The following SORCS2 variants were observed in gnomAD, a reference collection of about 807,000 sequenced individuals.
SORCS2 encodes sortilin related VPS10 domain containing receptor 2.
Under a neutral mutation model 141.6 loss-of-function variants are expected in SORCS2, and 100 were observed. The observed-to-expected ratio is 0.71, with a 90% CI of 0.60 to 0.83. The LOEUF is 0.83. Ranked by LOEUF, SORCS2 falls within the 40% of genes least tolerant of loss-of-function variation. SORCS2 has a pLI of 0.00. For synonymous variants in SORCS2, 789 were observed against 676.9 expected (o/e 1.17, Z -2.57); for missense variants, 1,646 against 1,560.2 (o/e 1.05, Z -0.93).
chr4:7,647,445 T>C (rs1185038952), intron 4 of SORCS2, among the ~76,000 whole-genome samples: 1 of 152,124 alleles, frequency 6.6e-6, no homozygotes, highest in Non-Finnish European at 1.5e-5. Context: ...ACTGTCAGCG[T>C]CACGGGTGGA....
chr4:7,466,961 G>T (rs1478507921), intron 2 of SORCS2, among the ~76,000 whole-genome samples: 1 of 152,120 alleles, frequency 6.6e-6, no homozygotes, highest in Non-Finnish European at 1.5e-5. Flanking sequence ...GATGGGTGGG[G>T]CTTGTATGTA....
chr4:7,655,511 C>T (rs553709788), intron 5 of SORCS2, among the ~76,000 whole-genome samples: 31 of 152,344 alleles, frequency 2.0e-4, no homozygotes, highest in African/African-American at 6.5e-4. Flanking sequence ...TCACGCTGAC[C>T]GTGGCAGGAG....
chr4:7,642,703 A>T (rs1208804559), intron 4 of SORCS2, among the ~76,000 whole-genome samples: 3 of 152,140 alleles, frequency 2.0e-5, no homozygotes, highest in African/African-American at 7.2e-5. Flanking sequence ...AGAAACAAGC[A>T]TTATTTCTTC....
rs536331207 is a variant in SORCS2, at chr4:7,229,163, C to T, written c.480+36037C>T. 1.1e-4 allele frequency among the ~76,000 whole-genome samples: 17 copies of T among 152,300 alleles called. No homozygotes were observed. In the South Asian group the frequency reaches 1.2e-3, roughly 11 times the overall value. Reference sequence around the variant, plus strand: ...TTGGGTATAGGGGTAGCTTGCCGTGCTCGGAACCCACAGGCAGGAGCCTCT... The same window carrying T: ...TTGGGTATAGGGGTAGCTTGCCGTGTTCGGAACCCACAGGCAGGAGCCTCT... On this transcript the variant is annotated intron_variant, in intron 1 of 26. Transcript: ENST00000507866.
rs1716671511 is a variant in SORCS2, at chr4:7,292,382, G to A, written c.480+99256G>A. ...CACAGCTCCCATCACTGCATTGAGT[G>A]CTCGGGAGATAAGAGGAACCCAGAG... On this transcript the variant is annotated intron_variant, in intron 1 of 26. Transcript: ENST00000507866. 2.0e-5 allele frequency among the ~76,000 whole-genome samples: 3 copies of A among 152,152 alleles called. No homozygotes were observed. In the South Asian group the frequency reaches 6.2e-4, roughly 32 times the overall value.
chr4:7,484,041 C>A (rs189177878), intron 2 of SORCS2, among the ~76,000 whole-genome samples: 1 of 152,360 alleles, frequency 6.6e-6, no homozygotes, highest in African/African-American at 2.4e-5. Flanking sequence ...TTCTGACTTA[C>A]TTTCTTCGAG....
At chr4:7,302,843 A>C (rs1467607197) in intron 1 of SORCS2, among the ~76,000 whole-genome samples, 2 of 151,834 alleles carry the variant, frequency 1.3e-5, no homozygotes, top group Non-Finnish European at 2.9e-5. Flanking sequence ...TTTTACGCAC[A>C]AGGGTATTGT....
intron 3 of SORCS2, among the ~76,000 whole-genome samples, chr4:7,571,318 G>A (rs903918547): frequency 7.2e-5 from 11 of 152,230 alleles, no homozygotes; most frequent in East Asian, 3.9e-4. Context: ...CCCTGTGCCC[G>A]GTGGAGAAGA....
intron 2 of SORCS2, among the ~76,000 whole-genome samples, chr4:7,509,164 G>A (rs1732458031): frequency 6.6e-6 from 1 of 152,284 alleles, no homozygotes; most frequent in South Asian, 2.1e-4. Context: ...TGCCCAGGGC[G>A]GTGAGGCAGC....
chr4:7,703,632 C>A (rs893600645), intron 13 of SORCS2, among the ~76,000 whole-genome samples: 1 of 152,182 alleles, frequency 6.6e-6, no homozygotes, highest in East Asian at 1.9e-4. Context: ...GCAGGGAGGG[C>A]CTTCCCCGAG....
intron 1 of SORCS2, among the ~76,000 whole-genome samples, chr4:7,372,973 C>T (rs1043434085): frequency 5.3e-5 from 8 of 150,592 alleles, no homozygotes; most frequent in East Asian, 3.9e-4. Context: ...GCTGCTGATC[C>T]GTCGCCAGCT....
At chr4:7,731,238 A>G (rs1418018233) in intron 23 of SORCS2, among the ~76,000 whole-genome samples, 1 of 152,252 alleles carries the variant, frequency 6.6e-6, no homozygotes, top group East Asian at 1.9e-4. Context: ...CTTGTGAAAA[A>G]CTTAGGAACA....
intron 1 of SORCS2, among the ~76,000 whole-genome samples, chr4:7,298,555 G>T (rs903085490): frequency 1.3e-5 from 2 of 152,198 alleles, no homozygotes; most frequent in Non-Finnish European, 2.9e-5. Context: ...TTTGTGGACA[G>T]CATGTTTCTT....
At chr4:7,615,038 C>T (rs184617859) in intron 3 of SORCS2, among the ~76,000 whole-genome samples, 2,337 of 152,008 alleles carry the variant, frequency 0.015, 79 homozygotes, top group African/African-American at 0.053. Flanking sequence ...TCCATTTATT[C>T]ATCCATCCAC....
chr4:7,662,221 C>G (rs1211411399), intron 6 of SORCS2, among the ~76,000 whole-genome samples: 1 of 134,096 alleles, frequency 7.5e-6, no homozygotes, highest in East Asian at 2.6e-4. Flanking sequence ...TGGCTCCCCA[C>G]CCTCCCCCCC....
At chr4:7,528,031 G>C (rs913426475) in intron 2 of SORCS2, among the ~76,000 whole-genome samples, 4 of 150,854 alleles carry the variant, frequency 2.7e-5, no homozygotes. Flanking sequence ...CTCTGTCTCT[G>C]TCTCTCTCTC....
chr4:7,362,550 C>A (rs1024312828), intron 1 of SORCS2, among the ~76,000 whole-genome samples: 1 of 152,142 alleles, frequency 6.6e-6, no homozygotes, highest in Non-Finnish European at 1.5e-5. Context: ...GGCTACTGGA[C>A]AAATGTGTTG....
At position 7,201,496 on chromosome 4, in the gene SORCS2, G is replaced by A. The variant is rs1056052444; in HGVS notation, c.480+8370G>A. 7.9e-5 allele frequency among the ~76,000 whole-genome samples: 12 copies of A among 152,348 alleles called. No individual in the cohort carries two copies. Among genetic ancestry groups the A allele is most frequent in the East Asian group, 3.9e-4 (2 of 5,188 alleles). ...CCAGAGCTTGCGTGGGCCTCTCGGC[G>A]TAGCCGTTACTTTATTTTATGGTGA... On this transcript the variant is annotated intron_variant, in intron 1 of 26. Transcript: ENST00000507866. This position sits in a 1 kb window ranked among gnomAD's most constrained non-coding sequence, Gnocchi z 4.4.
chr4:7,683,187 C>T (rs1044360909), intron 10 of SORCS2, among the ~76,000 whole-genome samples: 1 of 152,250 alleles, frequency 6.6e-6, no homozygotes, highest in African/African-American at 2.4e-5. Flanking sequence ...CTGGGCGGCT[C>T]TGCTGATCTT....
Sources: allele counts gnomAD v4.1 joint callset (sites outside exome capture counted in the v4.1 genomes callset), GRCh38; gene constraint gnomAD v4.1.1; non-coding constraint Gnocchi (gnomAD v3.1); transcripts MANE v1.5; gene names NCBI Gene and HGNC (gene_info 2026-07-23, HGNC 2026-07-21).